Variants in CEP170 observed in about 807,000 individuals in gnomAD.
CEP170 encodes the protein centrosomal protein of 170 kDa.
A neutral mutation model predicts 151.9 loss-of-function variants in CEP170; 21 were observed. The observed-to-expected ratio is 0.14, with a 90% CI of 0.10 to 0.20. The LOEUF is 0.20. CEP170 is among the 10% of genes least tolerant of loss of function. CEP170 has a pLI of 1.00. For missense variants in CEP170, 964 were observed against 1,892.9 expected (o/e 0.51, Z 9.11); for synonymous variants, 356 against 648.8 (o/e 0.55, Z 6.86).
At chr1:243,130,248 A>C (rs2054240230) in intron 17 of CEP170, among the ~76,000 whole-genome samples, 1 of 152,218 alleles carries the variant, frequency 6.6e-6, no homozygotes, top group Non-Finnish European at 1.5e-5. Flanking sequence ...TATGGGAATA[A>C]GCACCTTATC....
chr1:243,188,601 G>T (rs903795859), intron 8 of CEP170, among the ~76,000 whole-genome samples: 3 of 152,090 alleles, frequency 2.0e-5, no homozygotes, highest in Non-Finnish European at 4.4e-5. Context: ...TTTAGGGTAG[G>T]TTAGCTGTAA....
chr1:243,242,845 C>T (rs563715804), intron 1 of CEP170, among the ~76,000 whole-genome samples: 18 of 152,304 alleles, frequency 1.2e-4, no homozygotes, highest in Admixed American at 2.6e-4. Context: ...GGATTACAGG[C>T]ATGCGCCATT....
intron 16 of CEP170, among the ~76,000 whole-genome samples, chr1:243,136,501 C>T (rs1347730545): frequency 6.6e-6 from 1 of 152,178 alleles, no homozygotes; most frequent in East Asian, 1.9e-4. Context: ...TCCATTTTAT[C>T]CTCAGTTTAT....
intron 4 of CEP170, among the ~76,000 whole-genome samples, chr1:243,208,283 C>T (rs1478437237): frequency 6.6e-6 from 1 of 152,090 alleles, no homozygotes; most frequent in Non-Finnish European, 1.5e-5. Flanking sequence ...TTTTCATACC[C>T]CTGCCCACTC....
intron 3 of CEP170, 154 bp downstream of exon 3, chr1:243,221,570 G>T: frequency 1.5e-6 from 1 of 671,348 alleles, no homozygotes; most frequent in Non-Finnish European, 2.5e-6. Flanking sequence ...TATTCTATTG[G>T]ATGGTCCCCA....
intron 12 of CEP170, among the ~76,000 whole-genome samples, chr1:243,166,769 T>TTA (rs2058474416): frequency 6.6e-6 from 1 of 152,052 alleles, no homozygotes; most frequent in South Asian, 2.1e-4. Flanking sequence ...TTGACAAAAA[T>TTA]TATATATATT....
chr1:243,221,628 G>T, intron 3 of CEP170, 96 bp downstream of exon 3: 1 of 1,269,552 alleles, frequency 7.9e-7, no homozygotes, highest in African/African-American at 1.5e-5. Flanking sequence ...ACAAAGTAAA[G>T]AAAAAGAAAA....
At position 243,208,855 on chromosome 1, in the gene CEP170, TCA is replaced by T. The variant is rs554306236; in HGVS notation, c.274+3029_274+3030del. Among the ~76,000 whole-genome samples, 495 of 152,254 alleles carry T rather than the reference TCA, an allele frequency of 3.3e-3. 3 individuals carry two copies. Among genetic ancestry groups the T allele is most frequent in the African/African-American group, 0.011 (465 of 41,530 alleles). Reference sequence around the variant, plus strand: ...GAACAGTGATTATGATCTATTTTATTCACAGTTATATTTCCCAAACCACTGGG... The same window carrying T: ...GAACAGTGATTATGATCTATTTTATTCAGTTATATTTCCCAAACCACTGGG... On this transcript the variant is annotated intron_variant, in intron 4 of 19. Coordinates refer to ENST00000366542, the MANE Select transcript of CEP170 (RefSeq NM_014812.3).
intron 1 of CEP170, among the ~76,000 whole-genome samples, chr1:243,247,645 C>T (rs1185816109): frequency 3.3e-5 from 5 of 152,222 alleles, no homozygotes; most frequent in African/African-American, 1.2e-4. Context: ...TGAGCCACCG[C>T]GCCTGCCCTG....
intron 11 of CEP170, among the ~76,000 whole-genome samples, chr1:243,171,459 TTTC>T (rs2058838731): frequency 6.6e-6 from 1 of 152,124 alleles, no homozygotes; most frequent in African/African-American, 2.4e-5. Context: ...ATACCTTGAT[TTTC>T]TTCTTTTATA....
At chr1:243,156,599 A>G (rs1201659506) in intron 13 of CEP170, 144 bp from the exon 14 acceptor site, 18 of 655,606 alleles carry the variant, frequency 2.7e-5, no homozygotes, top group East Asian at 2.3e-4. Context: ...CACAAAAACC[A>G]TAAGTCTACT....
chr1:243,241,662 C>T (rs748687590), intron 1 of CEP170, among the ~76,000 whole-genome samples: 5 of 151,704 alleles, frequency 3.3e-5, no homozygotes, highest in African/African-American at 1.2e-4. Flanking sequence ...TGGTGGCAGG[C>T]GCCTGTAATC....
intron 13 of CEP170, among the ~76,000 whole-genome samples, chr1:243,163,797 C>T (rs778594056): frequency 1.2e-4 from 19 of 152,202 alleles, no homozygotes; most frequent in Non-Finnish European, 1.9e-4. Context: ...AAAAAGAAAA[C>T]ATTGATTATT....
At chr1:243,248,205 T>A (rs191882262) in intron 1 of CEP170, among the ~76,000 whole-genome samples, 2 of 152,316 alleles carry the variant, frequency 1.3e-5, no homozygotes, top group East Asian at 3.9e-4. Flanking sequence ...TACTGCCTGA[T>A]TTCTTATGAA....
rs2058693820 is a variant in CEP170 at position 243,169,643 on chromosome 1, G to A, written c.1828C>T (p.Leu610Phe). The A allele has an allele frequency of 1.1e-5, 17 of 1,597,120 alleles. No homozygotes were observed. The East Asian group carries it at 3.8e-4, about 36-fold the overall frequency. Residue 610 changes from leucine to phenylalanine, a missense_variant, in exon 12 of 20, where the codon CTT (leucine) becomes TTT (phenylalanine). By Grantham distance (22) the Leu-to-Phe change is conservative. Coordinates refer to ENST00000366542, the MANE Select transcript of CEP170 (RefSeq NM_014812.3). ...EERIMEFSAP[L>F]PLENETEISE... ...AAGAGAATACCATTCTCTAAAGGAA[G>A]AGGTGCAGAAAATTCCATTATCCTT...
At position 243,179,643 on chromosome 1, in the gene CEP170, T is replaced by C. The variant is rs1265857017; in HGVS notation, c.1566+6136A>G. ...TGGATTTAATTAATCTATAAATTCA[T>C]TGAAATAAGTTAGCCAATCTACAAC... On this transcript the variant is annotated intron_variant, in intron 10 of 19. Coordinates refer to ENST00000366542, the MANE Select transcript of CEP170 (RefSeq NM_014812.3). Among the ~76,000 whole-genome samples, 5 of 152,344 alleles carry C rather than the reference T, an allele frequency of 3.3e-5. No individual in the cohort carries two copies. In the South Asian group the frequency reaches 6.2e-4, roughly 19 times the overall value.
rs891661062 is a variant in CEP170 at position 243,200,732 on chromosome 1, T to C, written c.333+45A>G. 4 of 1,608,576 alleles carry C rather than the reference T, an allele frequency of 2.5e-6. No individual in the cohort carries two copies. The South Asian group carries it at 3.3e-5, about 13-fold the overall frequency. On this transcript the variant is annotated intron_variant, in intron 5 of 19. Coordinates refer to ENST00000366542, the MANE Select transcript of CEP170 (RefSeq NM_014812.3). ...AAACATCAAGAAGTAAAATCAACCA[T>C]AGTGAAGAGTAGATTTGCAAAAGAA...
At chr1:243,254,410 C>T (rs887032170) in intron 1 of CEP170, 4 of 152,210 alleles carry the variant, frequency 2.6e-5, no homozygotes, top group Non-Finnish European at 5.9e-5. Context: ...TCTCTCCTCC[C>T]CCGGGTTTAC....
chr1:243,161,072 C>T (rs982486704), intron 13 of CEP170, among the ~76,000 whole-genome samples: 5 of 148,832 alleles, frequency 3.4e-5, no homozygotes, highest in African/African-American at 1.3e-4. Flanking sequence ...CCTGTAATGC[C>T]AGCACTCTGG....
Sources: gnomAD v4.1 joint callset for allele counts (sites outside exome capture counted in the v4.1 genomes callset) on GRCh38, gnomAD v4.1.1 for gene constraint, MANE v1.5 for transcripts, NCBI Gene and HGNC (gene_info 2026-07-23, HGNC 2026-07-21) for gene names.